LSR: variants seen among roughly 807,000 people sequenced by gnomAD.
LSR encodes the protein lipolysis-stimulated lipoprotein receptor.
LSR carries 44 observed loss-of-function variants against 61.8 expected under a neutral mutation model. The ratio of observed to expected loss-of-function variants is 0.71; its 90% CI spans 0.56 to 0.91. The LOEUF (loss-of-function observed/expected upper bound fraction) is 0.91, where lower values mean the gene tolerates loss of function less well. Ranked by LOEUF, LSR falls within the 40% of genes least tolerant of loss-of-function variation. The probability of loss-of-function intolerance (pLI) is 0.00; values close to 1 mark genes in which losing one functional copy is unlikely to be tolerated. For synonymous variants in LSR, 397 were observed against 350.6 expected, an observed-to-expected ratio of 1.13 and a Z score of -1.48; for missense variants, 911 against 830.5, an observed-to-expected ratio of 1.10 and a Z score of -1.19.
intron 5 of LSR, among the ~76,000 whole-genome samples, chr19:35,265,777 C>G (rs546717601): frequency 4.6e-5 from 7 of 152,096 alleles, no homozygotes; most frequent in East Asian, 1.9e-4. Context: ...AGTTAATTCC[C>G]GAGGCTCCTG....
chr19:35,262,131 A>G (rs2065937947), intron 4 of LSR, 150 bp downstream of exon 4: 1 of 752,042 alleles, frequency 1.3e-6, no homozygotes, highest in Admixed American at 3.5e-5. Context: ...TGAGGCATCT[A>G]GTGGTCTGGC....
At chr19:35,257,402 C>T (rs2065869274) in intron 2 of LSR, among the ~76,000 whole-genome samples, 2 of 152,114 alleles carry the variant, frequency 1.3e-5, no homozygotes, top group African/African-American at 4.8e-5. Context: ...CCACGTCGTG[C>T]CAAGGGCCTT....
At chr19:35,258,783 T>C (rs1319728584) in intron 2 of LSR, among the ~76,000 whole-genome samples, 162 bp from the exon 3 acceptor site, 2 of 152,174 alleles carry the variant, frequency 1.3e-5, no homozygotes, top group Non-Finnish European at 1.5e-5. Context: ...TAAAAGGCCG[T>C]GTGCCCTTGG....
rs1599585864 is a variant in LSR, at chr19:35,249,045, T to A, written c.23T>A (p.Leu8His). The change falls in exon 1 of 10, where the codon CTC becomes CAC. Residue 8 changes from leucine (L) to histidine (H), a missense_variant. By Grantham distance (99) the Leu-to-His change is moderately conservative. Transcript: ENST00000605618. ...GCGATGGCGCTGTTGGCCGGCGGGC[T>A]CTCCAGAGGGCTGGGCTCCCACCCG... MALLAGG[L>H]SRGLGSHPAA... The A allele has an allele frequency of 3.1e-6, 5 of 1,589,042 alleles. No individual in the cohort carries two copies. The highest frequency in any genetic ancestry group is 1.9e-4 in the Middle Eastern group (1 of 5,302).
Position 35,266,959 on chromosome 19 carries a change from T to C in LSR, c.1136T>C (p.Val379Ala), listed in dbSNP as rs139438345. Residue 379 changes from valine to alanine, a missense_variant, in exon 8 of 10, where the codon GTG becomes GCG. Transcript: ENST00000605618. Reference protein sequence around the residue: ...PSRPGPPSGRVERAMSEVTSL... With the variant: ...PSRPGPPSGRAERAMSEVTSL... ...CGACCTGGCCCCCCCAGTGGCCGTG[T>C]GGAGCGGGGTAAGCAGGAGCCTTGG... The C allele has an allele frequency of 5.6e-6, 9 of 1,612,050 alleles. No individual in the cohort carries two copies. In the Admixed American group the frequency reaches 8.4e-5, roughly 15 times the overall value.
rs1198914742 is a variant in LSR at position 35,267,158 on chromosome 19, TTCCC to T, written c.1195_1198del (p.Ser399GlyfsTer148). On this transcript the variant is annotated frameshift_variant, in exon 9 of 10. Coordinates refer to ENST00000605618, the MANE Select transcript of LSR (RefSeq NM_205834.4). LOFTEE classifies it high-confidence loss of function. ...ACGAGGACGACTGGCGATCTCGGCC[TTCCC>T]GGGGCCCTGCCCTCACCCCGATCCG... 1 of 1,529,122 alleles carries T rather than the reference TTCCC, an allele frequency of 6.5e-7. No homozygotes were observed. The highest frequency in any genetic ancestry group is 2.3e-5 in the East Asian group (1 of 44,240). 94.7% of individuals were successfully genotyped at this position (1,529,122 alleles called of 1,614,324 possible).
intron 3 of LSR, 193 bp downstream of exon 3, chr19:35,259,257 A>G: frequency 1.7e-6 from 1 of 588,530 alleles, no homozygotes; most frequent in Non-Finnish European, 2.8e-6. Flanking sequence ...CCACTGGCCC[A>G]CAGTGCCTCC....
At position 35,249,516 on chromosome 19, in the gene LSR, G is replaced by A. The variant is rs1049812397; in HGVS notation, c.109+385G>A. On this transcript the variant is annotated intron_variant, in intron 1 of 9. Transcript: ENST00000605618. ...GGAGTAACGGGGAGAGGGCACGGGA[G>A]GGCTGGATCAGACGCTTCCTAGAGG... 3.8e-5 allele frequency: 10 copies of A among 265,668 alleles called. No homozygotes were observed. The Admixed American group carries it at 4.9e-4, about 13-fold the overall frequency. The allele number at this position is 265,668 out of a possible 1,614,324, so 16.5% of individuals were successfully genotyped here.
At chr19:35,251,093 C>T (rs1429307363) in intron 2 of LSR, among the ~76,000 whole-genome samples, 1 of 152,198 alleles carries the variant, frequency 6.6e-6, no homozygotes, top group African/African-American at 2.4e-5. Flanking sequence ...CTAAAGGGAG[C>T]GATTCTATTC....
chr19:35,266,904 G>C lies in LSR; in HGVS notation c.1081G>C (p.Glu361Gln), dbSNP rs927082354. ...CTCCATGCGGGTCCTGTACTACATG[G>C]AGAAGGAGCTGGCCAACTTCGACCC... ...DDSMRVLYYM[E>Q]KELANFDPSR... Residue 361 changes from glutamate to glutamine, a missense_variant, in exon 8 of 10, where the codon GAG becomes CAG. Coordinates refer to ENST00000605618, the MANE Select transcript of LSR (RefSeq NM_205834.4). The C allele has an allele frequency of 6.2e-7, 1 of 1,613,698 alleles. No individual in the cohort carries two copies. Among genetic ancestry groups the C allele is most frequent in the African/African-American group, 1.3e-5 (1 of 74,940 alleles).
At chr19:35,262,096 C>A (rs2065937445) in intron 4 of LSR, 115 bp downstream of exon 4, 6 of 995,864 alleles carry the variant, frequency 6.0e-6, no homozygotes, top group South Asian at 1.6e-5. Flanking sequence ...GTGGACCCCT[C>A]ACTAACCTGG....
chr19:35,266,540 C>CG lies in LSR; in HGVS notation c.952+13dup, dbSNP rs753297763. On this transcript the variant is annotated intron_variant, in intron 6 of 9. Transcript: ENST00000605618. Reference sequence around the variant, plus strand: ...TTGACAGGAGTAGCTCAGGTGAGGCCGGGGGAAGCAGGAACAGCTGGTGGG... The same window carrying CG: ...TTGACAGGAGTAGCTCAGGTGAGGCCGGGGGGAAGCAGGAACAGCTGGTGGG... 1.3e-6 allele frequency: 2 copies of CG among 1,598,270 alleles called. No individual in the cohort carries two copies. Among genetic ancestry groups the CG allele is most frequent in the Non-Finnish European group, 1.7e-6 (2 of 1,169,976 alleles).
intron 2 of LSR, among the ~76,000 whole-genome samples, chr19:35,258,519 T>G (rs1438570781): frequency 6.6e-6 from 1 of 151,248 alleles, no homozygotes; most frequent in Non-Finnish European, 1.5e-5. Context: ...GTGGGAGGAT[T>G]GCTTGAGTCC....
Position 35,267,386 on chromosome 19 carries a change from C to G in LSR, c.1422C>G (p.Ala474=). 6.2e-7 allele frequency: 1 copy of G among 1,604,134 alleles called. No individual in the cohort carries two copies. Among genetic ancestry groups the G allele is most frequent in the East Asian group, 2.2e-5 (1 of 44,546 alleles). ...CGAGTAATGGTGGGAGAAGCCGGGCCTACATGCCCCCGCGGAGCCGCAGCC... is the reference window on the plus strand; with the variant it reads ...CGAGTAATGGTGGGAGAAGCCGGGCGTACATGCCCCCGCGGAGCCGCAGCC... The part of the protein sequence containing the change: ...SPTSNGGRSR[A]YMPPRSRSRD... The change falls in exon 9 of 10, where the codon GCC becomes GCG. Residue 474 remains alanine (A), a synonymous_variant. Coordinates refer to ENST00000605618, the MANE Select transcript of LSR (RefSeq NM_205834.4).
At chr19:35,257,874 T>A (rs2065875234) in intron 2 of LSR, among the ~76,000 whole-genome samples, 2 of 152,098 alleles carry the variant, frequency 1.3e-5, no homozygotes, top group South Asian at 4.2e-4. Context: ...CTGCAGCTGC[T>A]TCAGACAAGA....
chr19:35,262,604 C>T lies in LSR; in HGVS notation c.690C>T (p.Gly230=). The stretch of plus-strand genomic sequence containing the variant: ...CCTTCCTCATCTTCCTCCTCCTGGG[C>T]ATCTGCTGGTGCCAGTGCTGCCCGC... ...LAAFLIFLLL[G]ICWCQCCPHT... is the part of the protein sequence containing the mutation. Residue 230 remains glycine (G), a synonymous_variant, in exon 5 of 10, where the codon GGC becomes GGT. Transcript: ENST00000605618. 1 of 1,614,246 alleles carries T rather than the reference C, an allele frequency of 6.2e-7. No individual in the cohort carries two copies. Among genetic ancestry groups the T allele is most frequent in the Non-Finnish European group, 8.5e-7 (1 of 1,180,044 alleles).
intron 3 of LSR, among the ~76,000 whole-genome samples, chr19:35,260,445 C>A (rs921380164): frequency 6.6e-6 from 1 of 151,824 alleles, no homozygotes; most frequent in Non-Finnish European, 1.5e-5. Flanking sequence ...GCACCCGCCA[C>A]CACACCCGGC....
Position 35,257,357 on chromosome 19 carries a change from G to A in LSR, c.455-1588G>A, listed in dbSNP as rs548730195. ...GACAGTGCAAATCTAGAACCAAGGC[G>A]ATGGCAGGGGTGAGGCTGGCACGGT... is the stretch of plus-strand genomic sequence containing the variant. On this transcript the variant is annotated intron_variant, in intron 2 of 9. Coordinates refer to ENST00000605618, the MANE Select transcript of LSR (RefSeq NM_205834.4). Among the ~76,000 whole-genome samples the A allele has an allele frequency of 5.8e-3, 882 of 152,292 alleles. 12 individuals carry two copies. Among genetic ancestry groups the A allele is most frequent in the African/African-American group, 0.02 (838 of 41,564 alleles).
Position 35,250,616 on chromosome 19 carries a change from C to T in LSR, c.411C>T (p.Thr137=), listed in dbSNP as rs113786365. 1.3e-6 allele frequency: 2 copies of T among 1,591,866 alleles called. No homozygotes were observed. The highest frequency in any genetic ancestry group is 1.3e-5 in the African/African-American group (1 of 74,548). ...CCACCAAGCAGGGCAACGCTGTGAC[C>T]CTGGGAGATTACTACCAGGGCCGGA... ...VVATKQGNAV[T]LGDYYQGRRI... The change falls in exon 2 of 10, where the codon ACC becomes ACT. Residue 137 remains threonine, a synonymous_variant. Coordinates refer to ENST00000605618, the MANE Select transcript of LSR (RefSeq NM_205834.4).
Sources: gnomAD v4.1 joint callset for allele counts (sites outside exome capture counted in the v4.1 genomes callset) on GRCh38, gnomAD v4.1.1 for gene constraint, MANE v1.5 for transcripts, NCBI Gene and HGNC (gene_info 2026-07-23, HGNC 2026-07-21) for gene names.